Variants in MICAL3 observed in about 807,000 individuals in gnomAD.
MICAL3 encodes the protein microtubule associated monooxygenase, calponin and LIM domain containing 3, also known as [F-actin]-monooxygenase MICAL3.
In MICAL3, 62 loss-of-function variants were observed where a neutral mutation model predicts 207.4. The ratio of observed to expected loss-of-function variants is 0.30; its 90% CI spans 0.24 to 0.37. MICAL3 has a LOEUF of 0.37. Among genes scored for constraint, MICAL3 ranks in the 10% least tolerant of loss-of-function variants. The pLI, the probability that MICAL3 is intolerant of heterozygous loss-of-function variation, is 1.00. For synonymous variants in MICAL3, 1,077 were observed against 1,069.3 expected (o/e 1.01, Z -0.14); for missense variants, 2,368 against 2,635.6 (o/e 0.90, Z 2.22).
intron 25 of MICAL3, among the ~76,000 whole-genome samples, chr22:17,820,912 A>AAACATAAATTTTAATAAATTTATG (rs1456880250): frequency 2.4e-5 from 2 of 83,118 alleles, no homozygotes; most frequent in Non-Finnish European, 5.8e-5. Context: ...ATAAATTTAT[A>AAACATAAATTTTAATAAATTTATG]TTTATAAACA....
rs778925883 is a variant in MICAL3 at position 17,891,604 on chromosome 22, C to A, written c.1575G>T (p.Leu525=). 2 of 1,613,994 alleles carry A rather than the reference C, an allele frequency of 1.2e-6. No homozygotes were observed. Among genetic ancestry groups the A allele is most frequent in the East Asian group, 4.5e-5 (2 of 44,882 alleles). ...NESVARSSKL[L]GWCQRQTDGY... ...CATCTGTCTGCCTCTGGCACCAACCCAGCAGTTTGCTTGAACGAGCTACAG... is the reference window on the plus strand; with the variant it reads ...CATCTGTCTGCCTCTGGCACCAACCAAGCAGTTTGCTTGAACGAGCTACAG... The change falls in exon 12 of 32, where the codon CTG becomes CTT. Residue 525 remains leucine, a synonymous_variant. Transcript: ENST00000441493.
rs563760205 is a variant in MICAL3 at position 17,878,009 on chromosome 22, T to C, written c.2242-5986A>G. Among the ~76,000 whole-genome samples, 22 of 152,256 alleles carry C rather than the reference T, an allele frequency of 1.4e-4. No homozygotes were observed. The South Asian group carries it at 2.5e-3, about 17-fold the overall frequency. On this transcript the variant is annotated intron_variant, in intron 16 of 31. Transcript: ENST00000441493. ...CGGAGACTACAGGCACCCGCCACCA[T>C]GCCTGGCTAATTTTTTTGTATTTTC...
At chr22:17,958,451 G>A (rs1055028608) in intron 1 of MICAL3, among the ~76,000 whole-genome samples, 8 of 152,156 alleles carry the variant, frequency 5.3e-5, no homozygotes, top group African/African-American at 1.9e-4. Context: ...CTGCTAAGGT[G>A]TCTCCTGCAT....
chr22:17,858,960 T>C (rs895890626), intron 19 of MICAL3, among the ~76,000 whole-genome samples: 3 of 152,162 alleles, frequency 2.0e-5, no homozygotes, highest in Admixed American at 6.5e-5. Flanking sequence ...TTGTCACTTA[T>C]TGCGCCCCCC....
At chr22:17,887,022 TA>T (rs1360003068) in intron 15 of MICAL3, 147 bp downstream of exon 15, 5 of 134,030 alleles carry the variant, frequency 3.7e-5, no homozygotes, top group South Asian at 1.9e-4. Context: ...AAAAAGAAAA[TA>T]AAAAAAAGAA....
chr22:17,861,917 G>C (rs1037750846), intron 19 of MICAL3: 20 of 985,218 alleles, frequency 2.0e-5, no homozygotes, highest in Non-Finnish European at 2.3e-5. Flanking sequence ...TTGTAATTGG[G>C]TGTGGGTGTG....
intron 22 of MICAL3, among the ~76,000 whole-genome samples, chr22:17,824,390 G>A (rs928300130): frequency 7.2e-5 from 11 of 152,256 alleles, no homozygotes; most frequent in African/African-American, 2.7e-4. Context: ...AAGCCATGTG[G>A]AAATGGGAGG....
intron 1 of MICAL3, among the ~76,000 whole-genome samples, chr22:17,961,524 C>T (rs34486385): frequency 0.2 from 30,315 of 151,812 alleles, 3,193 homozygotes; most frequent in Middle Eastern, 0.27. Flanking sequence ...CTTCCCTAAG[C>T]GAAGGGGCAC....
chr22:17,919,758 G>A (rs1227247084), intron 1 of MICAL3, among the ~76,000 whole-genome samples: 3 of 152,210 alleles, frequency 2.0e-5, no homozygotes, highest in Non-Finnish European at 2.9e-5. Flanking sequence ...CTGCCCAGCA[G>A]GCCCCACACC....
At chr22:17,896,606 A>T in intron 8 of MICAL3, 118 bp downstream of exon 8, 1 of 1,075,102 alleles carries the variant, frequency 9.3e-7, no homozygotes, top group Non-Finnish European at 1.3e-6. Context: ...TGACTCCTGC[A>T]GGGAGTTTAC....
chr22:17,868,248 C>CA (rs1176212953), intron 17 of MICAL3, among the ~76,000 whole-genome samples: 11 of 151,754 alleles, frequency 7.2e-5, no homozygotes, highest in South Asian at 6.2e-4. Flanking sequence ...TGAGGTGGCA[C>CA]AAGTCACGTG....
intron 1 of MICAL3, 53 bp from the exon 2 acceptor site, chr22:17,906,939 T>C (rs993728909): frequency 2.1e-6 from 2 of 940,906 alleles, no homozygotes; most frequent in South Asian, 1.8e-5. Context: ...ACAAACATTC[T>C]CCAGGAGACA....
intron 29 of MICAL3, among the ~76,000 whole-genome samples, chr22:17,799,979 C>T (rs1457142688): frequency 6.8e-6 from 1 of 146,090 alleles, no homozygotes; most frequent in African/African-American, 2.7e-5. Context: ...CACACACACA[C>T]ACACGCGTTG....
intron 29 of MICAL3, among the ~76,000 whole-genome samples, chr22:17,803,349 C>T (rs1052734896): frequency 6.6e-6 from 1 of 152,166 alleles, no homozygotes; most frequent in African/African-American, 2.4e-5. Flanking sequence ...GCACTCAGCT[C>T]TTCTGGGAGA....
intron 28 of MICAL3, among the ~76,000 whole-genome samples, chr22:17,810,323 A>G (rs1380561544): frequency 2.0e-5 from 3 of 152,050 alleles, no homozygotes; most frequent in African/African-American, 7.2e-5. Context: ...TTGGCCTCCC[A>G]AAGTGCTGAG....
chr22:18,015,881 T>A, intron 1 of MICAL3, among the ~76,000 whole-genome samples: 1 of 152,226 alleles, frequency 6.6e-6, no homozygotes, highest in East Asian at 1.9e-4. Context: ...TTGTATAATG[T>A]ACCAACAAAA....
intron 20 of MICAL3, chr22:17,834,626 C>T: frequency 1.9e-6 from 2 of 1,070,360 alleles, no homozygotes; most frequent in Non-Finnish European, 2.3e-6. Flanking sequence ...GGTGTACGCA[C>T]ATCATGCTAA....
chr22:17,842,978 A>T (rs1260336021), intron 19 of MICAL3, among the ~76,000 whole-genome samples: 1 of 152,014 alleles, frequency 6.6e-6, no homozygotes, highest in Non-Finnish European at 1.5e-5. Flanking sequence ...AAAATTAACC[A>T]GGCACGGTGG....
At chr22:17,895,562 C>T (rs1051625031) in intron 9 of MICAL3, among the ~76,000 whole-genome samples, 152 bp from the exon 10 acceptor site, 2 of 152,064 alleles carry the variant, frequency 1.3e-5, no homozygotes, top group African/African-American at 4.8e-5. Flanking sequence ...ACGTCAGCCC[C>T]TGCTCCCCAC....
Sources: gnomAD v4.1 joint callset for allele counts (sites outside exome capture counted in the v4.1 genomes callset) on GRCh38, gnomAD v4.1.1 for gene constraint, MANE v1.5 for transcripts, NCBI Gene and HGNC (gene_info 2026-07-23, HGNC 2026-07-21) for gene names.